The following ADAMTS2 variants were observed in gnomAD, a reference collection of about 807,000 sequenced individuals.
ADAMTS2 encodes ADAM metallopeptidase with thrombospondin type 1 motif 2.
ADAMTS2 carries 50 observed loss-of-function variants against 123.0 expected under a neutral mutation model. That is an observed-to-expected ratio of 0.41 (90% CI 0.32 to 0.51). The LOEUF is 0.51. ADAMTS2 is among the 20% of genes least tolerant of loss of function. The probability of loss-of-function intolerance (pLI) is 0.35; values close to 1 mark genes in which losing one functional copy is unlikely to be tolerated. For missense variants in ADAMTS2, 1,494 were observed against 1,705.2 expected (o/e 0.88, Z 2.18); for synonymous variants, 678 against 695.4 (o/e 0.98, Z 0.39).
At chr5:179,159,004 C>A (rs1259000041) in intron 5 of ADAMTS2, 125 bp from the exon 6 acceptor site, 2 of 1,279,580 alleles carry the variant, frequency 1.6e-6, no homozygotes, top group East Asian at 5.1e-5. Flanking sequence ...GTACAAAGGC[C>A]CTGCCCGGTC....
At chr5:179,261,440 T>A (rs1766222378) in intron 3 of ADAMTS2, among the ~76,000 whole-genome samples, 1 of 152,200 alleles carries the variant, frequency 6.6e-6, no homozygotes, top group African/African-American at 2.4e-5. Flanking sequence ...CCTAATTCAT[T>A]TAGTCACTCA....
chr5:179,300,796 G>A (rs890321989), intron 2 of ADAMTS2, among the ~76,000 whole-genome samples: 3 of 152,196 alleles, frequency 2.0e-5, no homozygotes, highest in Non-Finnish European at 4.4e-5. Flanking sequence ...TTATTTAAGA[G>A]TCTTCATACA....
intron 3 of ADAMTS2, among the ~76,000 whole-genome samples, chr5:179,247,929 A>G (rs1011808921): frequency 1.6e-4 from 24 of 152,200 alleles, no homozygotes; most frequent in African/African-American, 4.8e-4. Flanking sequence ...TCAAAGCCAT[A>G]TGATGAAATG....
chr5:179,191,023 T>C (rs1015924054), intron 4 of ADAMTS2, among the ~76,000 whole-genome samples: 1 of 152,240 alleles, frequency 6.6e-6, no homozygotes, highest in Non-Finnish European at 1.5e-5. Context: ...ACTTAGGGAC[T>C]GACCTTCCCA....
At position 179,166,213 on chromosome 5, in the gene ADAMTS2, C is replaced by G. The variant is rs535197327; in HGVS notation, c.976-7334G>C. Among the ~76,000 whole-genome samples, 464 of 152,260 alleles carry G rather than the reference C, an allele frequency of 3.0e-3. 3 individuals are homozygous for G. Among genetic ancestry groups the G allele is most frequent in the Admixed American group, 6.1e-3 (94 of 15,304 alleles). On this transcript the variant is annotated intron_variant, in intron 5 of 21. Coordinates refer to ENST00000251582, the MANE Select transcript of ADAMTS2 (RefSeq NM_014244.5). ...TGCCCAGATGCAGGAGGCAGACACT[C>G]GTCCAGGCCCCTGGGGCCCTCCCAC...
intron 3 of ADAMTS2, among the ~76,000 whole-genome samples, chr5:179,265,819 G>A (rs1004859736): frequency 1.3e-5 from 2 of 152,268 alleles, no homozygotes; most frequent in Non-Finnish European, 2.9e-5. Flanking sequence ...CAGCCCTGAA[G>A]CACGCCTCCC....
In ADAMTS2 at chr5:179,260,160, G is replaced by T. The variant is rs1332675746; in HGVS notation, c.688+12751C>A. On this transcript the variant is annotated intron_variant, in intron 3 of 21. Transcript: ENST00000251582. This position sits in a 1 kb window ranked among gnomAD's most constrained non-coding sequence, Gnocchi z 4.2. ...ATGGGACCAGTAGCCACCCACAGCTGCCAACCTGAGTCTGCAGCCCTGACA... is the reference window on the plus strand; with the variant it reads ...ATGGGACCAGTAGCCACCCACAGCTTCCAACCTGAGTCTGCAGCCCTGACA... 6.6e-6 allele frequency among the ~76,000 whole-genome samples: 1 copy of T among 152,144 alleles called. No individual in the cohort carries two copies. Among genetic ancestry groups the T allele is most frequent in the Non-Finnish European group, 1.5e-5 (1 of 68,024 alleles).
At chr5:179,278,148 G>A (rs566002396) in intron 2 of ADAMTS2, among the ~76,000 whole-genome samples, 1 of 29,106 alleles carries the variant, frequency 3.4e-5, no homozygotes, top group Non-Finnish European at 6.1e-5. Flanking sequence ...CTGACCCCCC[G>A]CGAGACCAAA....
At chr5:179,290,988 T>G (rs544951197) in intron 2 of ADAMTS2, among the ~76,000 whole-genome samples, 2 of 152,300 alleles carry the variant, frequency 1.3e-5, no homozygotes, top group South Asian at 4.2e-4. Flanking sequence ...CTCTGCCCTG[T>G]GCATGGGGCC....
chr5:179,175,158 G>A lies in ADAMTS2; in HGVS notation c.975+5914C>T, dbSNP rs564798771. 6.6e-6 allele frequency among the ~76,000 whole-genome samples: 1 copy of A among 150,630 alleles called. No individual in the cohort carries two copies. The highest frequency in any genetic ancestry group is 2.1e-4 in the South Asian group (1 of 4,752). On this transcript the variant is annotated intron_variant, in intron 5 of 21. Transcript: ENST00000251582. The surrounding 1 kb of genome is among the most constrained non-coding windows in gnomAD (Gnocchi z 4.1). ...TGGAGGAAGTCTCTTCCTTGCTTGG[G>A]TTCCGCAGCTGTCTCAGCCATTCTT...
In ADAMTS2 at chr5:179,189,430, C is replaced by T. The variant is rs957930216; in HGVS notation, c.892-8275G>A. ...TGGCATGATCTCAGCTCACTGCCAG[C>T]TCCACCTCCCAGGTTCATGCCATTC... is the stretch of plus-strand genomic sequence containing the variant. On this transcript the variant is annotated intron_variant, in intron 4 of 21. Transcript: ENST00000251582. The surrounding 1 kb of genome is among the most constrained non-coding windows in gnomAD (Gnocchi z 4.2). Among the ~76,000 whole-genome samples, 1 of 150,790 alleles carries T rather than the reference C, an allele frequency of 6.6e-6. No individual in the cohort carries two copies.
chr5:179,252,328 C>T (rs1261107785), intron 3 of ADAMTS2, among the ~76,000 whole-genome samples: 2 of 152,018 alleles, frequency 1.3e-5, no homozygotes, highest in Non-Finnish European at 1.5e-5. Flanking sequence ...GATTTCTGAT[C>T]TTATTTTGTA....
intron 10 of ADAMTS2, among the ~76,000 whole-genome samples, chr5:179,147,731 C>A (rs3776815): frequency 0.63 from 95,741 of 151,898 alleles, 30,247 homozygotes; most frequent in African/African-American, 0.65. Flanking sequence ...TAAGCCAAAA[C>A]AAATGCCCTC....
chr5:179,194,917 A>G (rs1467751044), intron 4 of ADAMTS2, among the ~76,000 whole-genome samples: 2 of 151,972 alleles, frequency 1.3e-5, no homozygotes, highest in African/African-American at 2.4e-5. Context: ...CCACAAATCA[A>G]CCTCGCTCCC....
intron 2 of ADAMTS2, among the ~76,000 whole-genome samples, chr5:179,324,996 C>T (rs1405989288): frequency 6.6e-6 from 1 of 152,228 alleles, no homozygotes; most frequent in African/African-American, 2.4e-5. Flanking sequence ...TCTTCAGCCA[C>T]CCGATCACAC....
In ADAMTS2 at chr5:179,225,369, A is replaced by G. The variant is rs1034035918; in HGVS notation, c.689-17654T>C. ...GAGAAGGGCATGCTCCCTTTAAATG[A>G]TATGGAAGCAGGGAAGTGCATGGTC... On this transcript the variant is annotated intron_variant, in intron 3 of 21. Coordinates refer to ENST00000251582, the MANE Select transcript of ADAMTS2 (RefSeq NM_014244.5). The surrounding 1 kb of genome is among the most constrained non-coding windows in gnomAD (Gnocchi z 4.5). Among the ~76,000 whole-genome samples, 6 of 152,206 alleles carry G rather than the reference A, an allele frequency of 3.9e-5. No individual in the cohort carries two copies. Among genetic ancestry groups the G allele is most frequent in the African/African-American group, 1.4e-4 (6 of 41,456 alleles).
At chr5:179,250,273 C>G (rs1304371870) in intron 3 of ADAMTS2, among the ~76,000 whole-genome samples, 5 of 152,180 alleles carry the variant, frequency 3.3e-5, no homozygotes, top group Non-Finnish European at 5.9e-5. Flanking sequence ...CTCTCACCAC[C>G]TGTATTCAAC....
chr5:179,190,759 G>A (rs566391921), intron 4 of ADAMTS2, among the ~76,000 whole-genome samples: 2 of 152,198 alleles, frequency 1.3e-5, no homozygotes, highest in African/African-American at 4.8e-5. Context: ...ATTACAGGAG[G>A]GTCCAACAGC....
At position 179,130,489 on chromosome 5, in the gene ADAMTS2, C is replaced by T. The variant is rs1011949431; in HGVS notation, c.2291-391G>A. Among the ~76,000 whole-genome samples, 7 of 152,200 alleles carry T rather than the reference C, an allele frequency of 4.6e-5. No homozygotes were observed. Among genetic ancestry groups the T allele is most frequent in the Non-Finnish European group, 5.9e-5 (4 of 68,024 alleles). ...CGGTGCAGGGCATCTGCTGGACAGG[C>T]GAGCACATGACCCTGCTGGAGTAGG... On this transcript the variant is annotated intron_variant, in intron 15 of 21. Coordinates refer to ENST00000251582, the MANE Select transcript of ADAMTS2 (RefSeq NM_014244.5). This position sits in a 1 kb window ranked among gnomAD's most constrained non-coding sequence, Gnocchi z 4.3.
Sources: gnomAD v4.1 joint callset for allele counts (sites outside exome capture counted in the v4.1 genomes callset) on GRCh38, gnomAD v4.1.1 for gene constraint, Gnocchi (gnomAD v3.1) non-coding constraint, MANE v1.5 for transcripts, NCBI Gene and HGNC (gene_info 2026-07-23, HGNC 2026-07-21) for gene names.